The following CRH variants were observed in gnomAD, a reference collection of about 807,000 sequenced individuals.
CRH encodes the protein corticotropin-releasing hormone.
Under a neutral mutation model 11.1 loss-of-function variants are expected in CRH, and 6 were observed. The ratio of observed to expected loss-of-function variants is 0.54; its 90% CI spans 0.30 to 1.07. CRH has a LOEUF of 1.07. CRH is among the 50% of genes least tolerant of loss of function. CRH has a pLI of 0.07. For missense variants in CRH, 289 were observed against 269.4 expected, an observed-to-expected ratio of 1.07 and a Z score of -0.51; for synonymous variants, 155 against 132.0, an observed-to-expected ratio of 1.17 and a Z score of -1.19.
chr8:66,178,211 G>A, intron 1 of CRH, 82 bp downstream of exon 1: 1 of 152,690 alleles, frequency 6.5e-6, no homozygotes, highest in East Asian at 1.9e-4. Flanking sequence ...TACACAGGCA[G>A]GGGCAGCCGG....
chr8:66,176,800 T>C lies in CRH; in HGVS notation c.*87A>G. On this transcript the variant is annotated 3_prime_UTR_variant, in exon 2 of 2. Coordinates refer to ENST00000276571, the MANE Select transcript of CRH (RefSeq NM_000756.4). ...GCTATATAAAAATAAACAAATGGCA[T>C]AAGAGCAGCGCTATGGTACAGAATA... The C allele has an allele frequency of 7.0e-7, 1 of 1,435,508 alleles. No homozygotes were observed. Among genetic ancestry groups the C allele is most frequent in the Non-Finnish European group, 9.2e-7 (1 of 1,085,812 alleles). 88.9% of individuals were successfully genotyped at this position (1,435,508 alleles called of 1,614,324 possible).
rs949394232 is a variant in CRH, at chr8:66,176,617, A to C, written c.*270T>G. ...TTTTTCAAACAAAACGTTTTCTCACAGGTCTACATTCTCTTTAAAACACCA... is the reference window on the plus strand; with the variant it reads ...TTTTTCAAACAAAACGTTTTCTCACCGGTCTACATTCTCTTTAAAACACCA... On this transcript the variant is annotated 3_prime_UTR_variant, in exon 2 of 2. Coordinates refer to ENST00000276571, the MANE Select transcript of CRH (RefSeq NM_000756.4). 5 of 260,262 alleles carry C rather than the reference A, an allele frequency of 1.9e-5. No homozygotes were observed. The highest frequency in any genetic ancestry group is 1.1e-4 in the African/African-American group (5 of 45,162). 16.1% of individuals were successfully genotyped at this position (260,262 alleles called of 1,614,324 possible).
In CRH at chr8:66,177,427, C is replaced by G. The variant is rs72556398; in HGVS notation, c.51G>C (p.Leu17=). 2.3e-3 allele frequency: 3,565 copies of G among 1,539,088 alleles called. 79 individuals carry two copies. The African/African-American group carries it at 0.042, about 18-fold the overall frequency. The change falls in exon 2 of 2, where the codon CTG becomes CTC. Residue 17 remains leucine, a synonymous_variant. Transcript: ENST00000276571. ...GGAGCGCCCTGCATGGCGGGCAGGG[C>G]AGGAGAGCCACCAGCAGGACTCCCG... ...VSAGVLLVAL[L]PCPPCRALLS... is the part of the protein sequence containing the mutation.
At chr8:66,177,582 A>G in intron 1 of CRH, 91 bp from the exon 2 acceptor site, 1 of 1,438,612 alleles carries the variant, frequency 7.0e-7, no homozygotes, top group East Asian at 2.5e-5. Flanking sequence ...GGAGGTGCAC[A>G]CGGGGTCTTC....
chr8:66,177,533 AAGAG>A (rs1011359088), intron 1 of CRH, 42 bp from the exon 2 acceptor site: 30 of 1,498,498 alleles, frequency 2.0e-5, no homozygotes, highest in Non-Finnish European at 2.6e-5. Context: ...GAGAGAGGGG[AAGAG>A]AGAAAGAAAG....
chr8:66,177,252 G>A lies in CRH; in HGVS notation c.226C>T (p.Leu76=). The part of the protein sequence containing the change: ...LRMGEEYFLR[L]GNLNKSPAAP... ...GCCGGGCTCTTGTTGAGGTTCCCCA[G>A]GCGGAGGAAGTACTCCTCTCCCATG... The change falls in exon 2 of 2, where the codon CTG becomes TTG. Residue 76 remains leucine, a synonymous_variant. Transcript: ENST00000276571. 1 of 1,543,656 alleles carries A rather than the reference G, an allele frequency of 6.5e-7. No individual in the cohort carries two copies. Among genetic ancestry groups the A allele is most frequent in the Non-Finnish European group, 8.7e-7 (1 of 1,148,540 alleles).
At chr8:66,177,559 G>C (rs1811925997) in intron 1 of CRH, 68 bp from the exon 2 acceptor site, 12 of 1,479,228 alleles carry the variant, frequency 8.1e-6, no homozygotes, top group Non-Finnish European at 1.1e-5. Context: ...GTTGGTTAGA[G>C]TTCGCTCAGC....
rs765151103 is a variant in CRH, at chr8:66,177,016, G to T, written c.462C>A (p.Ser154=). The change falls in exon 2 of 2, where the codon TCC becomes TCA. Residue 154 remains serine (S), a synonymous_variant. Transcript: ENST00000276571. ...GATCCAGGGAGATGGGAGGCTCCTCGGACCGCCTTTCTCTCTCCGGTGCCT... is the reference window on the plus strand; with the variant it reads ...GATCCAGGGAGATGGGAGGCTCCTCTGACCGCCTTTCTCTCTCCGGTGCCT... ...HQEAPERERR[S]EEPPISLDLT... The T allele has an allele frequency of 6.2e-7, 1 of 1,614,046 alleles. No individual in the cohort carries two copies. Among genetic ancestry groups the T allele is most frequent in the Non-Finnish European group, 8.5e-7 (1 of 1,179,962 alleles).
chr8:66,177,585 G>C (rs1811926482), intron 1 of CRH, 94 bp from the exon 2 acceptor site: 2 of 1,434,386 alleles, frequency 1.4e-6, no homozygotes, highest in South Asian at 2.8e-5. Context: ...GGTGCACACG[G>C]GGTCTTCCTA....
chr8:66,177,720 G>A (rs1482465712), intron 1 of CRH, among the ~76,000 whole-genome samples: 2 of 152,182 alleles, frequency 1.3e-5, no homozygotes, highest in East Asian at 3.9e-4. Flanking sequence ...AAGCTCATGC[G>A]CTCACCGGCC....
At position 66,177,021 on chromosome 8, in the gene CRH, G is replaced by C. The variant is rs750421858; in HGVS notation, c.457C>G (p.Arg153Gly). ...AGGGAGATGGGAGGCTCCTCGGACCGCCTTTCTCTCTCCGGTGCCTCCTGG... is the reference window on the plus strand; with the variant it reads ...AGGGAGATGGGAGGCTCCTCGGACCCCCTTTCTCTCTCCGGTGCCTCCTGG... Reference protein sequence around the residue: ...GHQEAPERERRSEEPPISLDL... With the variant: ...GHQEAPERERGSEEPPISLDL... Residue 153 changes from arginine to glycine, a missense_variant, in exon 2 of 2, where the codon CGG becomes GGG. Physicochemically the swap from Arg to Gly is moderately radical, Grantham distance 125. Transcript: ENST00000276571. 6.2e-7 allele frequency: 1 copy of C among 1,613,976 alleles called. No individual in the cohort carries two copies. The highest frequency in any genetic ancestry group is 1.7e-5 in the Admixed American group (1 of 60,012).
At chr8:66,177,972 G>T (rs891116007) in intron 1 of CRH, among the ~76,000 whole-genome samples, 1 of 151,796 alleles carries the variant, frequency 6.6e-6, no homozygotes, top group African/African-American at 2.4e-5. Context: ...AGAAGGGGGT[G>T]GGGGAGCTCC....
Position 66,178,350 on chromosome 8 carries a change from TC to T in CRH, c.-73del, listed in dbSNP as rs1324696533. On this transcript the variant is annotated 5_prime_UTR_variant, in exon 1 of 2. Coordinates refer to ENST00000276571, the MANE Select transcript of CRH (RefSeq NM_000756.4). Reference sequence around the variant, plus strand: ...TGCCGCCTCTCTGCAGAGAGACGTCTCCGGGGGCTTTCTCTGGAGGTTGTCT... The same window carrying T: ...TGCCGCCTCTCTGCAGAGAGACGTCTCGGGGGCTTTCTCTGGAGGTTGTCT... 2 of 152,156 alleles carry T rather than the reference TC, an allele frequency of 1.3e-5. No homozygotes were observed. Among genetic ancestry groups the T allele is most frequent in the African/African-American group, 2.4e-5 (1 of 41,250 alleles). 9.4% of individuals were successfully genotyped at this position (152,156 alleles called of 1,614,324 possible).
rs1157960299 is a variant in CRH, at chr8:66,177,511, G to A, written c.-14-20C>T. 6.6e-7 allele frequency: 1 copy of A among 1,517,852 alleles called. No homozygotes were observed. Among genetic ancestry groups the A allele is most frequent in the East Asian group, 2.5e-5 (1 of 40,620 alleles). The allele number at this position is 1,517,852 out of a possible 1,614,324, so 94.0% of individuals were successfully genotyped here. A position where few individuals can be genotyped will look rare whatever the true frequency, so the allele number is the denominator to read the frequency against. ...CACTCGCTGCGGCACAGAGGTGGGCGGAGGGCGGAATGAGAGAGGGGAAGA... is the reference window on the plus strand; with the variant it reads ...CACTCGCTGCGGCACAGAGGTGGGCAGAGGGCGGAATGAGAGAGGGGAAGA... On this transcript the variant is annotated intron_variant, in intron 1 of 1. Coordinates refer to ENST00000276571, the MANE Select transcript of CRH (RefSeq NM_000756.4).
rs1180906659 is a variant in CRH, at chr8:66,178,176, G to A, written c.-15+117C>T. On this transcript the variant is annotated intron_variant, in intron 1 of 1. Transcript: ENST00000276571. Reference sequence around the variant, plus strand: ...CACACATGCATACACACACACACACGCACGCACACACATGCATACACACGT... The same window carrying A: ...CACACATGCATACACACACACACACACACGCACACACATGCATACACACGT... 6 of 153,578 alleles carry A rather than the reference G, an allele frequency of 3.9e-5. No individual in the cohort carries two copies. In the South Asian group the frequency reaches 6.2e-4, roughly 16 times the overall value. The allele number at this position is 153,578 out of a possible 1,614,324, so 9.5% of individuals were successfully genotyped here.
At position 66,177,229 on chromosome 8, in the gene CRH, C is replaced by A; in HGVS notation, c.249G>T (p.Pro83=). ...AGGAGGCGGGCGAAAGGGGAGCGGC[C>A]GGGCTCTTGTTGAGGTTCCCCAGGC... ...FLRLGNLNKS[P]AAPLSPASSL... The change falls in exon 2 of 2, where the codon CCG becomes CCT. Residue 83 remains proline, a synonymous_variant. Coordinates refer to ENST00000276571, the MANE Select transcript of CRH (RefSeq NM_000756.4). The A allele has an allele frequency of 6.5e-7, 1 of 1,541,408 alleles. No individual in the cohort carries two copies. The highest frequency in any genetic ancestry group is 8.7e-7 in the Non-Finnish European group (1 of 1,147,454).
intron 1 of CRH, 141 bp from the exon 2 acceptor site, chr8:66,177,632 T>A: frequency 8.2e-7 from 1 of 1,221,536 alleles, no homozygotes; most frequent in Non-Finnish European, 1.1e-6. Flanking sequence ...TTGGCCTCAG[T>A]GATTCGGATG....
At position 66,177,148 on chromosome 8, in the gene CRH, G is replaced by T; in HGVS notation, c.330C>A (p.Asn110Lys). The change falls in exon 2 of 2, where the codon AAC becomes AAA. Residue 110 changes from asparagine to lysine, a missense_variant. Around this residue, in one of 2 missense-constraint regions of CRH, gnomAD observed 261 missense variants for 219.0 expected, o/e 1.19. Coordinates refer to ENST00000276571, the MANE Select transcript of CRH (RefSeq NM_000756.4). ...SRPSPEQATA[N>K]FFRVLLQQLL... Reference sequence around the variant, plus strand: ...GCTGCTGCAGCAACACGCGGAAAAAGTTGGCGGTCGCCTGTTCCGGCGAAG... The same window carrying T: ...GCTGCTGCAGCAACACGCGGAAAAATTTGGCGGTCGCCTGTTCCGGCGAAG... The T allele has an allele frequency of 1.3e-6, 2 of 1,546,076 alleles. No individual in the cohort carries two copies. The highest frequency in any genetic ancestry group is 8.7e-7 in the Non-Finnish European group (1 of 1,146,466).
At chr8:66,177,896 GA>G (rs771650112) in intron 1 of CRH, among the ~76,000 whole-genome samples, 16 of 151,728 alleles carry the variant, frequency 1.1e-4, no homozygotes, top group Non-Finnish European at 1.9e-4. Context: ...TCCAAATTGA[GA>G]ACTACTGCCT....
Sources: allele counts gnomAD v4.1 joint callset (sites outside exome capture counted in the v4.1 genomes callset), GRCh38; gene constraint gnomAD v4.1.1; regional missense constraint gnomAD v4.1.1; transcripts MANE v1.5; gene names NCBI Gene and HGNC (gene_info 2026-07-23, HGNC 2026-07-21).